The following GYPC variants were observed in gnomAD, a reference collection of about 807,000 sequenced individuals.
GYPC encodes glycophorin C (Gerbich blood group), also known as glycophorin-C.
GYPC carries 14 observed loss-of-function variants against 12.6 expected under a neutral mutation model. The observed-to-expected ratio is 1.11, with a 90% CI of 0.74 to 1.74. The LOEUF (loss-of-function observed/expected upper bound fraction) is 1.74, where lower values mean the gene tolerates loss of function less well. GYPC is among the 40% of genes most tolerant of loss of function. GYPC has a pLI of 0.00. For missense variants in GYPC, 225 were observed against 172.1 expected, an observed-to-expected ratio of 1.31 and a Z score of -1.72; for synonymous variants, 78 against 62.1, an observed-to-expected ratio of 1.26 and a Z score of -1.20.
At chr2:126,677,553 G>A (rs1279110627) in intron 1 of GYPC, among the ~76,000 whole-genome samples, 1 of 146,308 alleles carries the variant, frequency 6.8e-6, no homozygotes, top group Admixed American at 6.7e-5. Flanking sequence ...ATGTGAGTGT[G>A]TGTATGTGAG....
At chr2:126,671,803 C>T (rs1682863008) in intron 1 of GYPC, among the ~76,000 whole-genome samples, 1 of 152,178 alleles carries the variant, frequency 6.6e-6, no homozygotes, top group Non-Finnish European at 1.5e-5. Flanking sequence ...GTAGGATGCC[C>T]AGTACATCAG....
chr2:126,660,367 G>T (rs1036203209), intron 1 of GYPC, among the ~76,000 whole-genome samples: 1 of 152,134 alleles, frequency 6.6e-6, no homozygotes, highest in Non-Finnish European at 1.5e-5. Flanking sequence ...CCTCCCTCAC[G>T]CACCGTCCCA....
intron 2 of GYPC, among the ~76,000 whole-genome samples, chr2:126,692,889 C>T (rs867022942): frequency 6.6e-6 from 1 of 152,156 alleles, no homozygotes; most frequent in Non-Finnish European, 1.5e-5. Flanking sequence ...GACCTGATAT[C>T]GGATGAGCTG....
chr2:126,686,195 G>T lies in GYPC; in HGVS notation c.50-4060G>T, dbSNP rs7599354. The T allele has an allele frequency of 0.66, 654,012 of 984,808 alleles. 217,785 individuals are homozygous for T. The highest frequency in any genetic ancestry group is 0.8 in the South Asian group (17,050 of 21,250). 61.0% of individuals were successfully genotyped at this position (984,808 alleles called of 1,614,324 possible). On this transcript the variant is annotated intron_variant, in intron 1 of 3. Coordinates refer to ENST00000259254, the MANE Select transcript of GYPC (RefSeq NM_002101.5). ...TGGCAACAGAGGAGTGTGACTTCCA[G>T]CCTCAGGGCTAGCACCTGACCCCTG...
intron 1 of GYPC, 50 bp from the exon 2 acceptor site, chr2:126,690,205 G>T (rs748540680): frequency 7.3e-7 from 1 of 1,374,176 alleles, no homozygotes; most frequent in Non-Finnish European, 1.0e-6. Context: ...GTGCTGCTAG[G>T]CATGGAGAGT....
chr2:126,690,884 C>T (rs1208951751), intron 2 of GYPC, among the ~76,000 whole-genome samples: 5 of 151,844 alleles, frequency 3.3e-5, no homozygotes, highest in East Asian at 1.9e-4. Context: ...GTGTGCTCTG[C>T]GACCTTCTTT....
At chr2:126,692,749 C>G (rs1164286169) in intron 2 of GYPC, among the ~76,000 whole-genome samples, 7 of 152,146 alleles carry the variant, frequency 4.6e-5, no homozygotes, top group Non-Finnish European at 8.8e-5. Context: ...TAGAGTGGTC[C>G]TTCCCACAGC....
rs559868153 is a variant in GYPC at position 126,660,334 on chromosome 2, C to T, written c.49+4022C>T. ...CTGCTGCCCTTGCCCGCCTTAGCAG[C>T]TGGCTCGGGGTGGCCCTCGAGCCCT... On this transcript the variant is annotated intron_variant, in intron 1 of 3. Transcript: ENST00000259254. Among the ~76,000 whole-genome samples the T allele has an allele frequency of 5.3e-5, 8 of 152,370 alleles. No individual in the cohort carries two copies. In the South Asian group the frequency reaches 1.7e-3, roughly 32 times the overall value.
At chr2:126,694,335 C>T (rs981373349) in intron 3 of GYPC, among the ~76,000 whole-genome samples, 4 of 152,200 alleles carry the variant, frequency 2.6e-5, no homozygotes, top group African/African-American at 9.6e-5. Flanking sequence ...TGACCCTCAA[C>T]CCTCCATCCT....
intron 1 of GYPC, among the ~76,000 whole-genome samples, chr2:126,665,111 T>G (rs1489807661): frequency 1.3e-5 from 2 of 152,226 alleles, no homozygotes; most frequent in African/African-American, 4.8e-5. Flanking sequence ...CAGAAGCAAT[T>G]CATGTTCATT....
chr2:126,663,852 C>A (rs1682606832), intron 1 of GYPC, among the ~76,000 whole-genome samples: 3 of 152,198 alleles, frequency 2.0e-5, no homozygotes, highest in Admixed American at 1.3e-4. Flanking sequence ...GGCCCTCATG[C>A]GCTCTACCTT....
chr2:126,692,710 A>T (rs1384778462), intron 2 of GYPC, among the ~76,000 whole-genome samples: 4 of 152,022 alleles, frequency 2.6e-5, no homozygotes, highest in Admixed American at 6.6e-5. Flanking sequence ...AGCTGTGAAA[A>T]AACACACTCA....
chr2:126,656,412 G>T, intron 1 of GYPC, 100 bp downstream of exon 1: 1 of 1,025,794 alleles, frequency 9.7e-7, no homozygotes, highest in Non-Finnish European at 1.4e-6. Context: ...CTGGTGTCCC[G>T]GTCCGTGCCG....
intron 1 of GYPC, among the ~76,000 whole-genome samples, chr2:126,667,286 TAAAGA>T (rs1483209197): frequency 6.6e-6 from 1 of 152,216 alleles, no homozygotes; most frequent in East Asian, 1.9e-4. Context: ...AGTGTATCAG[TAAAGA>T]AAACAGAAAC....
chr2:126,657,549 G>A (rs1682398521), intron 1 of GYPC: 1 of 152,258 alleles, frequency 6.6e-6, no homozygotes, highest in Admixed American at 6.5e-5. Context: ...TTGCACATGA[G>A]ACTGTGGTTC....
intron 1 of GYPC, among the ~76,000 whole-genome samples, chr2:126,666,557 C>T (rs552936883): frequency 2.0e-5 from 3 of 152,288 alleles, no homozygotes; most frequent in African/African-American, 7.2e-5. Flanking sequence ...TGGACCAGTC[C>T]TCGGTCCCTG....
chr2:126,664,489 G>A (rs1682626799), intron 1 of GYPC, among the ~76,000 whole-genome samples: 2 of 152,166 alleles, frequency 1.3e-5, no homozygotes, highest in African/African-American at 2.4e-5. Flanking sequence ...GACCCCAGAC[G>A]CAGTGCTCAG....
At chr2:126,673,042 A>T (rs1187453245) in intron 1 of GYPC, among the ~76,000 whole-genome samples, 1 of 152,020 alleles carries the variant, frequency 6.6e-6, no homozygotes, top group Non-Finnish European at 1.5e-5. Context: ...TCAGGATCCT[A>T]ATACCCAGAA....
In GYPC at chr2:126,692,022, G is replaced by A. The variant is rs148409659; in HGVS notation, c.106+1711G>A. Among the ~76,000 whole-genome samples the A allele has an allele frequency of 1.1e-4, 17 of 152,280 alleles. 1 individual carries two copies. The East Asian group carries it at 2.9e-3, about 26-fold the overall frequency. ...TTTATATATGCATGCATTTACTCAT[G>A]CATTCAGTGAATATTTATTGAGTAC... On this transcript the variant is annotated intron_variant, in intron 2 of 3. Coordinates refer to ENST00000259254, the MANE Select transcript of GYPC (RefSeq NM_002101.5).
Sources: allele counts gnomAD v4.1 joint callset (sites outside exome capture counted in the v4.1 genomes callset), GRCh38; gene constraint gnomAD v4.1.1; transcripts MANE v1.5; gene names NCBI Gene and HGNC (gene_info 2026-07-23, HGNC 2026-07-21).